The following KCNMA1 variants were observed in gnomAD, a reference collection of about 807,000 sequenced individuals.
KCNMA1 encodes the protein potassium calcium-activated channel subfamily M alpha 1.
A neutral mutation model predicts 140.0 loss-of-function variants in KCNMA1; 29 were observed. The observed-to-expected ratio is 0.21, with a 90% CI of 0.15 to 0.28. The LOEUF is 0.28. Ranked by LOEUF, KCNMA1 falls within the 10% of genes least tolerant of loss-of-function variation. KCNMA1 has a pLI of 1.00. For missense variants in KCNMA1, 880 were observed against 1,602.2 expected (o/e 0.55, Z 7.70); for synonymous variants, 612 against 611.9 (o/e 1.00, Z 0.00).
At chr10:77,154,153 G>A (rs2098456764) in intron 5 of KCNMA1, among the ~76,000 whole-genome samples, 1 of 151,708 alleles carries the variant, frequency 6.6e-6, no homozygotes, top group Non-Finnish European at 1.5e-5. Context: ...TCCCCTGCTT[G>A]AACTCACTCT....
rs564351874 is a variant in KCNMA1 at position 77,287,739 on chromosome 10, C to T, written c.541-36483G>A. Among the ~76,000 whole-genome samples, 14 of 152,274 alleles carry T rather than the reference C, an allele frequency of 9.2e-5. No homozygotes were observed. In the East Asian group the frequency reaches 2.1e-3, roughly 23 times the overall value. ...AAGACACATGTGCAAGCTGAAAGCA[C>T]ACCAAGTGCTCTTCTCTGCATCCAG... is the stretch of plus-strand genomic sequence containing the variant. On this transcript the variant is annotated intron_variant, in intron 2 of 27. Coordinates refer to ENST00000286628, the MANE Select transcript of KCNMA1 (RefSeq NM_001161352.2).
At chr10:77,630,260 A>G (rs1174964879) in intron 1 of KCNMA1, among the ~76,000 whole-genome samples, 1 of 152,176 alleles carries the variant, frequency 6.6e-6, no homozygotes, top group Non-Finnish European at 1.5e-5. Context: ...CCCTGGTGAC[A>G]CCACCAGCCT....
chr10:77,090,275 C>T, intron 10 of KCNMA1, 125 bp downstream of exon 10: 1 of 763,820 alleles, frequency 1.3e-6, no homozygotes, highest in Non-Finnish European at 2.4e-6. Context: ...GGGATCATGG[C>T]TTACCCAACT....
chr10:77,575,438 C>T (rs2073717821), intron 1 of KCNMA1, among the ~76,000 whole-genome samples: 2 of 152,174 alleles, frequency 1.3e-5, no homozygotes, highest in African/African-American at 4.8e-5. Context: ...GAGGCCATGG[C>T]GGGCATCCAA....
intron 1 of KCNMA1, among the ~76,000 whole-genome samples, chr10:77,504,250 G>C (rs1167082737): frequency 1.3e-5 from 2 of 152,178 alleles, no homozygotes; most frequent in Non-Finnish European, 2.9e-5. Context: ...TGGAAAGGGA[G>C]AGTGAGCATG....
At chr10:77,568,822 A>G (rs960772439) in intron 1 of KCNMA1, among the ~76,000 whole-genome samples, 1 of 151,550 alleles carries the variant, frequency 6.6e-6, no homozygotes, top group Non-Finnish European at 1.5e-5. Context: ...ACATGATTGT[A>G]TATCTAGAAA....
chr10:77,225,962 G>T (rs1031522080), intron 3 of KCNMA1, among the ~76,000 whole-genome samples: 5 of 152,196 alleles, frequency 3.3e-5, no homozygotes, highest in African/African-American at 7.2e-5. Flanking sequence ...TCCCGTCAAT[G>T]CCCTGGGGGC....
chr10:77,330,454 T>A (rs2154364704), intron 2 of KCNMA1, among the ~76,000 whole-genome samples: 1 of 152,260 alleles, frequency 6.6e-6, no homozygotes, highest in African/African-American at 2.4e-5. Flanking sequence ...TGTTCAATAT[T>A]AGTTCAGTGT....
At chr10:76,988,676 A>G (rs1373162260) in intron 19 of KCNMA1, among the ~76,000 whole-genome samples, 1 of 152,106 alleles carries the variant, frequency 6.6e-6, no homozygotes, top group Non-Finnish European at 1.5e-5. Flanking sequence ...CCCTCTCCCA[A>G]AAACACATTG....
intron 5 of KCNMA1, among the ~76,000 whole-genome samples, chr10:77,141,192 C>T (rs145545030): frequency 1.3e-5 from 2 of 152,250 alleles, no homozygotes; most frequent in Admixed American, 6.5e-5. Flanking sequence ...TGGGAGGAGA[C>T]ACTCATTAGA....
At chr10:77,618,964 A>T (rs886762014) in intron 1 of KCNMA1, among the ~76,000 whole-genome samples, 4 of 152,184 alleles carry the variant, frequency 2.6e-5, no homozygotes, top group Non-Finnish European at 1.5e-5. Flanking sequence ...AGAGGTAAAA[A>T]TCAAAAGGTT....
intron 2 of KCNMA1, among the ~76,000 whole-genome samples, chr10:77,278,906 C>A (rs1280781805): frequency 1.3e-5 from 2 of 152,322 alleles, no homozygotes; most frequent in African/African-American, 4.8e-5. Context: ...TTGTTACAGA[C>A]ATTCCTGTAA....
At chr10:77,280,729 A>G (rs1444712870) in intron 2 of KCNMA1, among the ~76,000 whole-genome samples, 2 of 146,436 alleles carry the variant, frequency 1.4e-5, no homozygotes, top group East Asian at 4.0e-4. Flanking sequence ...GAGTCTTACT[A>G]TGTTGCCCAG....
intron 1 of KCNMA1, among the ~76,000 whole-genome samples, chr10:77,611,677 G>A (rs574141808): frequency 1.3e-5 from 2 of 152,174 alleles, no homozygotes; most frequent in South Asian, 2.1e-4. Flanking sequence ...CAAGGCCAGT[G>A]TTCACCCAGA....
intron 1 of KCNMA1, among the ~76,000 whole-genome samples, chr10:77,497,215 G>C (rs1238145961): frequency 6.6e-6 from 1 of 152,178 alleles, no homozygotes; most frequent in Non-Finnish European, 1.5e-5. Flanking sequence ...ATTATCAACT[G>C]TCTTTTATGA....
chr10:77,396,032 T>C (rs1479382141), intron 2 of KCNMA1, among the ~76,000 whole-genome samples: 1 of 152,202 alleles, frequency 6.6e-6, no homozygotes, highest in Non-Finnish European at 1.5e-5. Context: ...TATCTATGCA[T>C]GGGATGAAAT....
chr10:77,207,187 T>C (rs1480864236), intron 3 of KCNMA1, among the ~76,000 whole-genome samples: 1 of 152,322 alleles, frequency 6.6e-6, no homozygotes, highest in Middle Eastern at 3.4e-3. Context: ...CATGTTAATC[T>C]AAAGCTCTTC....
At chr10:76,956,377 A>T (rs1040190468) in intron 20 of KCNMA1, among the ~76,000 whole-genome samples, 9 of 152,198 alleles carry the variant, frequency 5.9e-5, no homozygotes, top group African/African-American at 2.2e-4. Context: ...TCTTAGAGGT[A>T]TGCCACACTA....
At chr10:77,499,261 G>C (rs1200290045) in intron 1 of KCNMA1, among the ~76,000 whole-genome samples, 1 of 152,044 alleles carries the variant, frequency 6.6e-6, no homozygotes, top group Non-Finnish European at 1.5e-5. Context: ...TGAGGTCTAA[G>C]ACAGATTATA....
Sources: gnomAD v4.1 joint callset for allele counts (sites outside exome capture counted in the v4.1 genomes callset) on GRCh38, gnomAD v4.1.1 for gene constraint, MANE v1.5 for transcripts, NCBI Gene and HGNC (gene_info 2026-07-23, HGNC 2026-07-21) for gene names.